The following DCC variants were observed in gnomAD, a reference collection of about 807,000 sequenced individuals.
The protein encoded by DCC is netrin receptor DCC.
DCC carries 58 observed loss-of-function variants against 172.5 expected under a neutral mutation model. The observed-to-expected ratio is 0.34, with a 90% CI of 0.27 to 0.42. The LOEUF (loss-of-function observed/expected upper bound fraction) is 0.42. Among genes scored for constraint, DCC ranks in the 10% least tolerant of loss-of-function variants. The pLI is 1.00. For missense variants in DCC, 1,740 were observed against 1,791.0 expected (o/e 0.97, Z 0.51); for synonymous variants, 709 against 644.5 (o/e 1.10, Z -1.52).
At chr18:53,213,239 G>A (rs113990005) in intron 11 of DCC, among the ~76,000 whole-genome samples, 3,297 of 152,130 alleles carry the variant, frequency 0.022, 40 homozygotes, top group Middle Eastern at 0.027. Flanking sequence ...GTTAGTAATT[G>A]ATATTATGTT....
chr18:53,502,769 ACTTTGAAAG>A (rs2046119574), intron 27 of DCC, among the ~76,000 whole-genome samples: 1 of 152,142 alleles, frequency 6.6e-6, no homozygotes, highest in Admixed American at 6.5e-5. Context: ...AGAAACTTCT[ACTTTGAAAG>A]CTTTGAGATT....
At chr18:52,906,768 G>T (rs1319778363) in intron 3 of DCC, among the ~76,000 whole-genome samples, 6 of 151,432 alleles carry the variant, frequency 4.0e-5, no homozygotes, top group African/African-American at 1.5e-4. Flanking sequence ...GATACATATA[G>T]ATATATATAT....
intron 7 of DCC, among the ~76,000 whole-genome samples, chr18:53,113,629 C>A (rs1175531840): frequency 2.0e-5 from 3 of 151,292 alleles, no homozygotes; most frequent in East Asian, 3.9e-4. Flanking sequence ...ACCAGATCAA[C>A]AGGTATTGTA....
At chr18:52,876,233 C>T (rs894898199) in intron 2 of DCC, among the ~76,000 whole-genome samples, 5 of 152,280 alleles carry the variant, frequency 3.3e-5, no homozygotes, top group Admixed American at 6.5e-5. Flanking sequence ...TCTGTTTTTA[C>T]ATCAGAGCCT....
intron 2 of DCC, among the ~76,000 whole-genome samples, chr18:52,901,475 A>G (rs2039808152): frequency 6.6e-6 from 1 of 152,150 alleles, no homozygotes; most frequent in African/African-American, 2.4e-5. Context: ...CAATCATACT[A>G]TAAACATTTG....
intron 12 of DCC, among the ~76,000 whole-genome samples, chr18:53,234,243 TC>T (rs2056166604): frequency 2.0e-5 from 3 of 151,442 alleles, no homozygotes; most frequent in African/African-American, 4.8e-5. Context: ...AGAGTGAAAC[TC>T]CATCTCAAAA....
intron 2 of DCC, among the ~76,000 whole-genome samples, chr18:52,800,954 C>T (rs77607918): frequency 0.043 from 6,565 of 152,162 alleles, 218 homozygotes; most frequent in South Asian, 0.16. Flanking sequence ...GCATCATTGA[C>T]AATAGCCTTG....
At chr18:52,379,144 T>A (rs1431149521) in intron 1 of DCC, among the ~76,000 whole-genome samples, 1 of 152,208 alleles carries the variant, frequency 6.6e-6, no homozygotes, top group African/African-American at 2.4e-5. Flanking sequence ...AAATGTTTCT[T>A]ATTCACAGAC....
At chr18:52,992,760 C>T (rs1251823984) in intron 5 of DCC, among the ~76,000 whole-genome samples, 3 of 152,010 alleles carry the variant, frequency 2.0e-5, no homozygotes, top group African/African-American at 7.2e-5. Flanking sequence ...TGGATTGCTT[C>T]AGGGCAGGAG....
chr18:52,841,490 A>G (rs573859235), intron 2 of DCC, among the ~76,000 whole-genome samples: 1 of 152,302 alleles, frequency 6.6e-6, no homozygotes, highest in Admixed American at 6.5e-5. Flanking sequence ...CTGCTTTTAG[A>G]TAAAACACTG....
intron 7 of DCC, among the ~76,000 whole-genome samples, chr18:53,101,767 T>C (rs973375173): frequency 2.6e-5 from 4 of 152,038 alleles, no homozygotes; most frequent in Admixed American, 2.6e-4. Flanking sequence ...GGTGATTCCC[T>C]AGGACAAGTG....
intron 7 of DCC, among the ~76,000 whole-genome samples, chr18:53,099,558 C>T (rs1197067567): frequency 6.6e-6 from 1 of 152,120 alleles, no homozygotes; most frequent in Non-Finnish European, 1.5e-5. Flanking sequence ...CCTTAATTTC[C>T]TATTCTGTGA....
chr18:53,027,618 T>A (rs1405557161), intron 5 of DCC, among the ~76,000 whole-genome samples: 2 of 152,164 alleles, frequency 1.3e-5, no homozygotes, highest in African/African-American at 4.8e-5. Flanking sequence ...TGTCCATACT[T>A]GGACACATCT....
chr18:53,327,724 G>A (rs1232833157), intron 14 of DCC, among the ~76,000 whole-genome samples: 1 of 152,140 alleles, frequency 6.6e-6, no homozygotes, highest in African/African-American at 2.4e-5. Flanking sequence ...AAGAATTGGG[G>A]TAAGGAGTGC....
Position 53,258,960 on chromosome 18 carries a change from G to A in DCC, c.1911+43363G>A, listed in dbSNP as rs372234382. Among the ~76,000 whole-genome samples, 5 of 152,254 alleles carry A rather than the reference G, an allele frequency of 3.3e-5. No homozygotes were observed. In the East Asian group the frequency reaches 9.7e-4, roughly 29 times the overall value. ...GTTGAATTGATCCCTTTACCATTATGTAATGGCCTTCTGTGTCTCTTTTGA... is the reference window on the plus strand; with the variant it reads ...GTTGAATTGATCCCTTTACCATTATATAATGGCCTTCTGTGTCTCTTTTGA... On this transcript the variant is annotated intron_variant, in intron 12 of 28. Transcript: ENST00000442544.
At chr18:52,772,952 G>A (rs546145039) in intron 2 of DCC, among the ~76,000 whole-genome samples, 18 of 152,250 alleles carry the variant, frequency 1.2e-4, no homozygotes, top group Non-Finnish European at 2.1e-4. Context: ...ACTGCAAATT[G>A]TTTGGTTGTT....
intron 23 of DCC, among the ~76,000 whole-genome samples, chr18:53,455,746 A>G (rs540286393): frequency 6.6e-6 from 1 of 152,244 alleles, no homozygotes; most frequent in African/African-American, 2.4e-5. Flanking sequence ...AAGGCCTCCT[A>G]TGTTTTTGTC....
At chr18:53,346,124 G>A (rs914677427) in intron 15 of DCC, among the ~76,000 whole-genome samples, 8 of 152,092 alleles carry the variant, frequency 5.3e-5, no homozygotes, top group Non-Finnish European at 1.0e-4. Context: ...CTCCTAAGTA[G>A]CTAGGAAAAC....
At chr18:53,334,871 A>G (rs1267052592) in intron 14 of DCC, among the ~76,000 whole-genome samples, 3 of 152,182 alleles carry the variant, frequency 2.0e-5, no homozygotes, top group Non-Finnish European at 4.4e-5. Context: ...CCTTTTGGCT[A>G]TTGTAAATGA....
Sources: gnomAD v4.1 joint callset for allele counts (sites outside exome capture counted in the v4.1 genomes callset) on GRCh38, gnomAD v4.1.1 for gene constraint, MANE v1.5 for transcripts, NCBI Gene and HGNC (gene_info 2026-07-23, HGNC 2026-07-21) for gene names.